The following MDGA2 variants were observed in gnomAD, a reference collection of about 807,000 sequenced individuals.
MDGA2 encodes MAM domain-containing glycosylphosphatidylinositol anchor protein 2.
MDGA2 carries 40 observed loss-of-function variants against 117.8 expected under a neutral mutation model. That is an observed-to-expected ratio of 0.34 (90% CI 0.26 to 0.44). MDGA2 has a LOEUF of 0.44. Among genes scored for constraint, MDGA2 ranks in the 20% least tolerant of loss-of-function variants. The pLI, the probability that MDGA2 is intolerant of heterozygous loss-of-function variation, is 1.00. For synonymous variants in MDGA2, 452 were observed against 439.0 expected, an observed-to-expected ratio of 1.03 and a Z score of -0.37; for missense variants, 1,123 against 1,250.6, an observed-to-expected ratio of 0.90 and a Z score of 1.54.
intron 6 of MDGA2, among the ~76,000 whole-genome samples, chr14:47,088,417 G>A (rs1566616846): frequency 6.6e-6 from 1 of 152,086 alleles, no homozygotes; most frequent in Non-Finnish European, 1.5e-5. Flanking sequence ...TTCTGCTTTT[G>A]GGGAATGTGA....
chr14:47,595,228 T>C (rs1896513980), intron 1 of MDGA2, among the ~76,000 whole-genome samples: 2 of 147,350 alleles, frequency 1.4e-5, no homozygotes, highest in Non-Finnish European at 3.0e-5. Flanking sequence ...TGCAGATCTA[T>C]AGCATTAGAG....
At chr14:47,417,755 C>A (rs1300545558) in intron 1 of MDGA2, among the ~76,000 whole-genome samples, 1 of 152,142 alleles carries the variant, frequency 6.6e-6, no homozygotes, top group Non-Finnish European at 1.5e-5. Context: ...TTCTCTGTCA[C>A]CCAGGATGGA....
intron 7 of MDGA2, among the ~76,000 whole-genome samples, chr14:47,041,335 T>A (rs1161407649): frequency 4.6e-5 from 7 of 152,110 alleles, no homozygotes; most frequent in Non-Finnish European, 1.5e-5. Flanking sequence ...TTTTTAGGTC[T>A]TAAATCAAAT....
At chr14:47,393,435 T>C (rs1362231331) in intron 1 of MDGA2, among the ~76,000 whole-genome samples, 1 of 152,030 alleles carries the variant, frequency 6.6e-6, no homozygotes, top group African/African-American at 2.4e-5. Flanking sequence ...ATTACACATT[T>C]AATGCATGAA....
chr14:46,851,382 A>G (rs1881049932), intron 15 of MDGA2, among the ~76,000 whole-genome samples: 4 of 151,872 alleles, frequency 2.6e-5, no homozygotes, highest in Non-Finnish European at 5.9e-5. Flanking sequence ...CTTCTTTGGA[A>G]TTGTTGCCCT....
chr14:47,445,391 G>C (rs1220762834), intron 1 of MDGA2, among the ~76,000 whole-genome samples: 1 of 152,134 alleles, frequency 6.6e-6, no homozygotes, highest in Non-Finnish European at 1.5e-5. Flanking sequence ...ACATTGTTCA[G>C]AGAATAAGCA....
At chr14:47,468,708 C>T (rs1893655145) in intron 1 of MDGA2, among the ~76,000 whole-genome samples, 1 of 151,896 alleles carries the variant, frequency 6.6e-6, no homozygotes, top group Non-Finnish European at 1.5e-5. Context: ...TAAAATCAAG[C>T]TTAAACCAGT....
chr14:47,671,343 G>A (rs1898070839), intron 1 of MDGA2, among the ~76,000 whole-genome samples: 1 of 152,144 alleles, frequency 6.6e-6, no homozygotes, highest in Non-Finnish European at 1.5e-5. Flanking sequence ...AAATACTTGA[G>A]ACAATATAAT....
intron 1 of MDGA2, among the ~76,000 whole-genome samples, chr14:47,653,116 G>A (rs996762528): frequency 6.6e-6 from 1 of 152,112 alleles, no homozygotes; most frequent in African/African-American, 2.4e-5. Context: ...AGATGGACAA[G>A]AAATAATCCT....
intron 5 of MDGA2, among the ~76,000 whole-genome samples, chr14:47,116,164 A>AT (rs1881318602): frequency 6.6e-6 from 1 of 152,014 alleles, no homozygotes; most frequent in South Asian, 2.1e-4. Context: ...CACATTTACA[A>AT]TAACACCAAA....
At chr14:47,325,879 G>C (rs1890127164) in intron 1 of MDGA2, among the ~76,000 whole-genome samples, 1 of 152,114 alleles carries the variant, frequency 6.6e-6, no homozygotes, top group South Asian at 2.1e-4. Flanking sequence ...ACTTTGGGTA[G>C]GATGAACTGA....
chr14:47,414,957 C>A (rs1332461737), intron 1 of MDGA2, among the ~76,000 whole-genome samples: 1 of 152,022 alleles, frequency 6.6e-6, no homozygotes, highest in African/African-American at 2.4e-5. Context: ...TCTGTTCAAA[C>A]AATCTTAATA....
chr14:46,921,838 A>C (rs928585558), intron 9 of MDGA2, among the ~76,000 whole-genome samples: 3 of 152,188 alleles, frequency 2.0e-5, no homozygotes, highest in African/African-American at 7.2e-5. Context: ...CTAAAGAAGT[A>C]ATGAGCTGCT....
At chr14:47,412,683 A>T (rs957490083) in intron 1 of MDGA2, among the ~76,000 whole-genome samples, 11 of 152,230 alleles carry the variant, frequency 7.2e-5, no homozygotes, top group Non-Finnish European at 1.3e-4. Context: ...AGATTTACAG[A>T]GGGAGGGAGA....
chr14:47,217,120 C>T (rs1886119776), intron 3 of MDGA2, among the ~76,000 whole-genome samples: 1 of 151,864 alleles, frequency 6.6e-6, no homozygotes, highest in South Asian at 2.1e-4. Flanking sequence ...AATTTCAAGC[C>T]CCTTGCTAAC....
chr14:47,032,307 A>G (rs955692383), intron 8 of MDGA2, among the ~76,000 whole-genome samples: 1 of 152,116 alleles, frequency 6.6e-6, no homozygotes, highest in Admixed American at 6.6e-5. Flanking sequence ...AAAAATCAGG[A>G]TGAACATGGT....
At chr14:47,025,851 C>T (rs143038942) in intron 8 of MDGA2, among the ~76,000 whole-genome samples, 4 of 152,196 alleles carry the variant, frequency 2.6e-5, no homozygotes, top group African/African-American at 9.6e-5. Flanking sequence ...TCAATTAAAA[C>T]ATGTTTTTAG....
chr14:46,957,013 C>T (rs1018205473), intron 9 of MDGA2, among the ~76,000 whole-genome samples: 2 of 152,120 alleles, frequency 1.3e-5, no homozygotes, highest in South Asian at 4.1e-4. Flanking sequence ...GCTTCCCAGT[C>T]ATGCTTCCTG....
At chr14:47,069,813 T>C (rs1402468153) in intron 6 of MDGA2, among the ~76,000 whole-genome samples, 1 of 152,188 alleles carries the variant, frequency 6.6e-6, no homozygotes, top group Non-Finnish European at 1.5e-5. Flanking sequence ...TATGTTTTCA[T>C]TTTAACACTA....
Sources: gnomAD v4.1 joint callset for allele counts (sites outside exome capture counted in the v4.1 genomes callset) on GRCh38, gnomAD v4.1.1 for gene constraint, MANE v1.5 for transcripts, NCBI Gene and HGNC (gene_info 2026-07-23, HGNC 2026-07-21) for gene names.